RASGRF2: variants seen among roughly 807,000 people sequenced by gnomAD.
The protein encoded by RASGRF2 is ras-specific guanine nucleotide-releasing factor 2.
Under a neutral mutation model 151.0 loss-of-function variants are expected in RASGRF2, and 76 were observed. That is an observed-to-expected ratio of 0.50 (90% confidence interval 0.42 to 0.61). The LOEUF (loss-of-function observed/expected upper bound fraction) is 0.61. Ranked by LOEUF, RASGRF2 falls within the 20% of genes least tolerant of loss-of-function variation. RASGRF2 has a pLI of 0.00. For synonymous variants in RASGRF2, 504 were observed against 566.5 expected, an observed-to-expected ratio of 0.89 and a Z score of 1.57; for missense variants, 1,148 against 1,564.6, an observed-to-expected ratio of 0.73 and a Z score of 4.49.
intron 1 of RASGRF2, among the ~76,000 whole-genome samples, chr5:81,021,210 A>G (rs1749814439): frequency 6.6e-6 from 1 of 152,222 alleles, no homozygotes; most frequent in Non-Finnish European, 1.5e-5. Flanking sequence ...AAAAGTTTGT[A>G]AGCAGATCTG....
At chr5:81,087,486 C>T (rs1045537908) in intron 9 of RASGRF2, 1 of 612,942 alleles carries the variant, frequency 1.6e-6, no homozygotes, top group East Asian at 2.8e-5. Context: ...ACACTTGCCA[C>T]GCTTTGGTAA....
At chr5:81,136,521 C>G (rs1490708210) in intron 17 of RASGRF2, among the ~76,000 whole-genome samples, 5 of 152,034 alleles carry the variant, frequency 3.3e-5, no homozygotes, top group Admixed American at 3.3e-4. Context: ...GTCCTTGTTC[C>G]TCTGTTGGTG....
chr5:81,205,485 A>G (rs1398016498), intron 19 of RASGRF2, among the ~76,000 whole-genome samples: 2 of 152,356 alleles, frequency 1.3e-5, no homozygotes, highest in African/African-American at 4.8e-5. Flanking sequence ...GAGATAGTGC[A>G]TGTCAAATGT....
intron 18 of RASGRF2, among the ~76,000 whole-genome samples, chr5:81,182,167 T>A (rs1013872285): frequency 6.6e-6 from 1 of 152,188 alleles, no homozygotes; most frequent in African/African-American, 2.4e-5. Context: ...TCCCAGCTCC[T>A]CAGACTCTCC....
chr5:81,087,131 C>A, intron 9 of RASGRF2, 178 bp downstream of exon 9: 1 of 711,256 alleles, frequency 1.4e-6, no homozygotes, highest in Non-Finnish European at 2.6e-6. Flanking sequence ...TTTTCAGGGA[C>A]CATGAAAAAC....
At chr5:81,086,990 C>T in intron 9 of RASGRF2, 37 bp downstream of exon 9, 2 of 1,529,290 alleles carry the variant, frequency 1.3e-6, no homozygotes, top group Non-Finnish European at 1.8e-6. Flanking sequence ...ACCTGATGCG[C>T]TGTGCGGCTG....
chr5:81,067,667 G>A (rs1751647568), intron 2 of RASGRF2, among the ~76,000 whole-genome samples: 1 of 152,200 alleles, frequency 6.6e-6, no homozygotes, highest in East Asian at 1.9e-4. Context: ...ATTTTGAATA[G>A]CATCCCTGGA....
chr5:81,208,628 T>A (rs2112727672), intron 22 of RASGRF2, among the ~76,000 whole-genome samples, 190 bp downstream of exon 22: 1 of 141,044 alleles, frequency 7.1e-6, no homozygotes, highest in East Asian at 2.3e-4. Context: ...CTCAGCTCAC[T>A]GCAACCTCCA....
chr5:81,079,973 A>T, intron 5 of RASGRF2, 148 bp from the exon 6 acceptor site: 1 of 1,025,682 alleles, frequency 9.7e-7, no homozygotes, highest in Non-Finnish European at 1.3e-6. Context: ...GATTGAGGAT[A>T]ATATAATCCA....
intron 26 of RASGRF2, 111 bp downstream of exon 26, chr5:81,219,889 G>T: frequency 5.4e-6 from 3 of 553,274 alleles, no homozygotes; most frequent in Non-Finnish European, 8.4e-6. Flanking sequence ...TCATAGAAAA[G>T]ACCAGTAAAA....
At chr5:81,076,159 G>A (rs533540486) in intron 5 of RASGRF2, among the ~76,000 whole-genome samples, 2 of 152,314 alleles carry the variant, frequency 1.3e-5, no homozygotes, top group Non-Finnish European at 2.9e-5. Context: ...TGGAGGCTTA[G>A]GAGAGAACAG....
rs528004461 is a variant in RASGRF2, at chr5:80,996,592, CT to C, written c.288+35579del. ...CCTCCTCCTCCTCCCCCTCCTCTTT[CT>C]TTTTTTTTTTTTGACACTGTCAAAA... is the stretch of plus-strand genomic sequence containing the variant. On this transcript the variant is annotated intron_variant, in intron 1 of 26. Coordinates refer to ENST00000265080, the MANE Select transcript of RASGRF2 (RefSeq NM_006909.3). Among the ~76,000 whole-genome samples, 168 of 98,026 alleles carry C rather than the reference CT, an allele frequency of 1.7e-3. 2 individuals are homozygous for C. The highest frequency in any genetic ancestry group is 5.3e-3 in the South Asian group (12 of 2,250). 64.3% of individuals were successfully genotyped at this position (98,026 alleles called of 152,430 possible). A position where few individuals can be genotyped will look rare whatever the true frequency, so the allele number is the denominator to read the frequency against.
chr5:81,176,927 A>C (rs1754787421), intron 17 of RASGRF2, among the ~76,000 whole-genome samples: 1 of 151,964 alleles, frequency 6.6e-6, no homozygotes, highest in African/African-American at 2.4e-5. Flanking sequence ...AGGTAGGATA[A>C]ATTTTTTCCC....
At chr5:81,217,558 T>A in intron 25 of RASGRF2, 85 bp downstream of exon 25, 3 of 407,684 alleles carry the variant, frequency 7.4e-6, no homozygotes, top group Non-Finnish European at 6.9e-6. Flanking sequence ...CAATGTCTGC[T>A]TTTTTTTTTT....
At chr5:81,195,427 A>C (rs1308206436) in intron 18 of RASGRF2, among the ~76,000 whole-genome samples, 1 of 152,180 alleles carries the variant, frequency 6.6e-6, no homozygotes, top group African/African-American at 2.4e-5. Context: ...ATTTCTTTCT[A>C]TTGAGGAGCA....
chr5:81,132,698 A>G (rs1753654162), intron 17 of RASGRF2, among the ~76,000 whole-genome samples: 1 of 152,194 alleles, frequency 6.6e-6, no homozygotes, highest in Non-Finnish European at 1.5e-5. Flanking sequence ...AAAGCTTCAT[A>G]CTGTGTGATA....
At chr5:81,097,003 C>T (rs1043340559) in intron 12 of RASGRF2, among the ~76,000 whole-genome samples, 4 of 151,848 alleles carry the variant, frequency 2.6e-5, no homozygotes, top group Non-Finnish European at 5.9e-5. Context: ...GCTCTGTCGC[C>T]CAGGCTGGAG....
chr5:81,045,275 T>C (rs894541456), intron 2 of RASGRF2, among the ~76,000 whole-genome samples: 1 of 152,222 alleles, frequency 6.6e-6, no homozygotes, highest in Non-Finnish European at 1.5e-5. Context: ...TTTCCTATCT[T>C]TTTCATTCCA....
At chr5:80,994,887 C>G (rs1292117396) in intron 1 of RASGRF2, among the ~76,000 whole-genome samples, 1 of 152,138 alleles carries the variant, frequency 6.6e-6, no homozygotes, top group African/African-American at 2.4e-5. Flanking sequence ...TGCTCATCTC[C>G]CTGAATTTGG....
Sources: allele counts gnomAD v4.1 joint callset (sites outside exome capture counted in the v4.1 genomes callset), GRCh38; gene constraint gnomAD v4.1.1; transcripts MANE v1.5; gene names NCBI Gene and HGNC (gene_info 2026-07-23, HGNC 2026-07-21).